GRIK4: variants seen among roughly 807,000 people sequenced by gnomAD.
GRIK4 encodes glutamate ionotropic receptor kainate type subunit 4, also known as glutamate receptor ionotropic, kainate 4.
In GRIK4, 40 loss-of-function variants were observed where a neutral mutation model predicts 104.9. That is an observed-to-expected ratio of 0.38 (90% CI 0.30 to 0.50). The LOEUF (loss-of-function observed/expected upper bound fraction) is 0.50, where lower values mean the gene tolerates loss of function less well. Ranked by LOEUF, GRIK4 falls within the 20% of genes least tolerant of loss-of-function variation. The pLI is 0.93. For synonymous variants in GRIK4, 485 were observed against 524.9 expected, an observed-to-expected ratio of 0.92 and a Z score of 1.04; for missense variants, 1,047 against 1,308.1, an observed-to-expected ratio of 0.80 and a Z score of 3.08.
chr11:120,825,770 T>C (rs3892380), intron 6 of GRIK4, among the ~76,000 whole-genome samples: 2,737 of 152,280 alleles, frequency 0.018, 81 homozygotes, highest in African/African-American at 0.061. Flanking sequence ...ACGATAATAA[T>C]GTCTATTGAG....
rs761376709 is a variant in GRIK4, at chr11:120,952,875, C to T, written c.1611C>T (p.Phe537=). ...TCCAGGGACGCAAACCCGGCTATTT[C>T]TCCTTCCTGGACCCATTTTCTCCGG... ...RVHMGRKPGY[F]SFLDPFSPGV... Residue 537 remains phenylalanine (F), a synonymous_variant, in exon 15 of 21, where the codon TTC becomes TTT. Transcript: ENST00000527524. This position sits in a 1 kb window ranked among gnomAD's most constrained non-coding sequence, Gnocchi z 5.2. The T allele has an allele frequency of 6.2e-7, 1 of 1,613,534 alleles. No homozygotes were observed. The highest frequency in any genetic ancestry group is 2.2e-5 in the East Asian group (1 of 44,872).
In GRIK4 at chr11:120,962,514, G is replaced by A; in HGVS notation, c.2099G>A (p.Ser700Asn). Reference sequence around the variant, plus strand: ...AATTACATGTATTCCAAGCAGCCCAGCGTGTTCGTGAAGAGCACAGAGGAG... The same window carrying A: ...AATTACATGTATTCCAAGCAGCCCAACGTGTTCGTGAAGAGCACAGAGGAG... ...MWNYMYSKQPSVFVKSTEEGI... is the reference protein window; with the variant it reads ...MWNYMYSKQPNVFVKSTEEGI... The change falls in exon 18 of 21, where the codon AGC becomes AAC. Residue 700 changes from serine (S) to asparagine (N), a missense_variant. Physicochemically the swap from Ser to Asn is conservative, Grantham distance 46. Transcript: ENST00000527524. 6.2e-7 allele frequency: 1 copy of A among 1,614,136 alleles called. No homozygotes were observed. The highest frequency in any genetic ancestry group is 1.1e-5 in the South Asian group (1 of 91,082).
chr11:120,529,211 T>TA (rs1376321555), intron 1 of GRIK4, among the ~76,000 whole-genome samples: 4 of 152,170 alleles, frequency 2.6e-5, no homozygotes, highest in Non-Finnish European at 5.9e-5. Flanking sequence ...ACCTACAACT[T>TA]ACATTGTAGC....
At chr11:120,744,791 A>G (rs1487610412) in intron 3 of GRIK4, among the ~76,000 whole-genome samples, 3 of 152,216 alleles carry the variant, frequency 2.0e-5, no homozygotes, top group Admixed American at 2.0e-4. Flanking sequence ...CTGCAGGAAC[A>G]CTTTGGAAGT....
chr11:120,874,096 T>C lies in GRIK4; in HGVS notation c.937T>C (p.Tyr313His). The C allele has an allele frequency of 2.5e-6, 4 of 1,613,494 alleles. No homozygotes were observed. The highest frequency in any genetic ancestry group is 3.4e-6 in the Non-Finnish European group (4 of 1,179,488). ...CTCGGCCCTGCTGTTTGATGCTGTC[T>C]ATGCTGTGGTGACTGCGGTGCAGGA... ...LSSALLFDAV[Y>H]AVVTAVQELN... The change falls in exon 10 of 21, where the codon TAT becomes CAT. Residue 313 changes from tyrosine (Y) to histidine (H), a missense_variant. Tyr to His is a moderately conservative substitution (Grantham distance 83). Coordinates refer to ENST00000527524, the MANE Select transcript of GRIK4 (RefSeq NM_014619.5).
chr11:120,513,485 A>G lies in GRIK4; in HGVS notation c.-159+1598A>G, dbSNP rs1376492836. Among the ~76,000 whole-genome samples the G allele has an allele frequency of 2.6e-5, 4 of 152,212 alleles. No individual in the cohort carries two copies. Among genetic ancestry groups the G allele is most frequent in the African/African-American group, 7.2e-5 (3 of 41,448 alleles). ...AGCCCCTGGAATTCCACTGGGCGTC[A>G]TCATGCTGGCTTTATTTGCTGAAGC... On this transcript the variant is annotated intron_variant, in intron 1 of 20. Transcript: ENST00000527524. This position sits in a 1 kb window ranked among gnomAD's most constrained non-coding sequence, Gnocchi z 4.5.
chr11:120,875,292 T>A (rs200301136), intron 11 of GRIK4, 49 bp downstream of exon 11: 1 of 1,141,158 alleles, frequency 8.8e-7, no homozygotes, highest in Admixed American at 1.7e-5. Context: ...CTCTGTTCCA[T>A]TTCATTGATG....
intron 11 of GRIK4, among the ~76,000 whole-genome samples, chr11:120,886,579 G>A (rs1955125159): frequency 6.6e-6 from 1 of 152,212 alleles, no homozygotes; most frequent in Non-Finnish European, 1.5e-5. Flanking sequence ...AGGCTCACAG[G>A]AACCTAGCCC....
intron 12 of GRIK4, among the ~76,000 whole-genome samples, chr11:120,900,937 C>T (rs919114440): frequency 6.6e-6 from 1 of 152,144 alleles, no homozygotes; most frequent in African/African-American, 2.4e-5. Context: ...GGGTGCAGCA[C>T]CCAGTGTGAT....
chr11:120,667,608 C>G (rs115293580), intron 3 of GRIK4, among the ~76,000 whole-genome samples: 13 of 152,220 alleles, frequency 8.5e-5, no homozygotes, highest in Non-Finnish European at 1.3e-4. Flanking sequence ...GGGCTCGGCT[C>G]GGTGGGTAGT....
At chr11:120,688,709 T>G (rs770203235) in intron 3 of GRIK4, among the ~76,000 whole-genome samples, 3 of 152,178 alleles carry the variant, frequency 2.0e-5, no homozygotes, top group African/African-American at 7.2e-5. Flanking sequence ...CGAAAATAAT[T>G]AATCACATTT....
At chr11:120,605,115 G>A (rs183130031) in intron 1 of GRIK4, among the ~76,000 whole-genome samples, 357 of 152,276 alleles carry the variant, frequency 2.3e-3, no homozygotes, top group African/African-American at 7.7e-3. Flanking sequence ...GATTACAGAC[G>A]TGAGCCAGTG....
intron 1 of GRIK4, among the ~76,000 whole-genome samples, chr11:120,594,894 G>C (rs1948781833): frequency 6.6e-6 from 1 of 152,220 alleles, no homozygotes. Flanking sequence ...TCGTGAAGAG[G>C]AGATGCCTGC....
In GRIK4 at chr11:120,511,775, G is replaced by A. The variant is rs762303183; in HGVS notation, c.-271G>A. 21 of 354,860 alleles carry A rather than the reference G, an allele frequency of 5.9e-5. No individual in the cohort carries two copies. Among genetic ancestry groups the A allele is most frequent in the Non-Finnish European group, 1.2e-4 (21 of 175,732 alleles). 22.0% of individuals were successfully genotyped at this position (354,860 alleles called of 1,614,324 possible). A position where few individuals can be genotyped will look rare whatever the true frequency, so the allele number is the denominator to read the frequency against. On this transcript the variant is annotated 5_prime_UTR_variant, in exon 1 of 21. Coordinates refer to ENST00000527524, the MANE Select transcript of GRIK4 (RefSeq NM_014619.5). ...ACTGCCTTCAGCTGCGGGCGGATCG[G>A]GCTGGAGCCGCCACGGCTGCTGCGG...
chr11:120,872,852 T>G (rs1954650725), intron 9 of GRIK4: 1 of 153,190 alleles, frequency 6.5e-6, no homozygotes, highest in South Asian at 2.0e-4. Context: ...CAAGGACAGG[T>G]GTCTTCTGTC....
At chr11:120,680,843 G>T (rs890593341) in intron 3 of GRIK4, among the ~76,000 whole-genome samples, 21 of 152,196 alleles carry the variant, frequency 1.4e-4, no homozygotes, top group African/African-American at 5.1e-4. Context: ...ACCAAAGTAG[G>T]ATTTCAGGGT....
At chr11:120,817,120 A>G (rs1681148279) in intron 5 of GRIK4, among the ~76,000 whole-genome samples, 1 of 151,936 alleles carries the variant, frequency 6.6e-6, no homozygotes, top group Admixed American at 6.6e-5. Context: ...TCTCTTCTGC[A>G]TCCTCTTTTT....
At chr11:120,672,274 G>A (rs1447995436) in intron 3 of GRIK4, among the ~76,000 whole-genome samples, 1 of 152,088 alleles carries the variant, frequency 6.6e-6, no homozygotes, top group Non-Finnish European at 1.5e-5. Context: ...AAATTAGCAA[G>A]GCATGATGTC....
chr11:120,554,206 A>G (rs938171993), intron 1 of GRIK4, among the ~76,000 whole-genome samples: 25 of 152,244 alleles, frequency 1.6e-4, no homozygotes, highest in African/African-American at 6.0e-4. Flanking sequence ...GGGACCAGCA[A>G]AAATATCTGT....
Sources: allele counts gnomAD v4.1 joint callset (sites outside exome capture counted in the v4.1 genomes callset), GRCh38; gene constraint gnomAD v4.1.1; non-coding constraint Gnocchi (gnomAD v3.1); transcripts MANE v1.5; gene names NCBI Gene and HGNC (gene_info 2026-07-23, HGNC 2026-07-21).